DNAH11: variants seen among roughly 807,000 people sequenced by gnomAD.
The protein encoded by DNAH11 is axonemal beta dynein heavy chain 11.
DNAH11 carries 442 observed loss-of-function variants against 526.0 expected under a neutral mutation model. That is an observed-to-expected ratio of 0.84 (90% CI 0.78 to 0.91). DNAH11 has a LOEUF of 0.91. DNAH11 is among the 40% of genes least tolerant of loss of function. DNAH11 has a pLI of 0.00. For missense variants in DNAH11, 6,989 were observed against 5,448.7 expected (o/e 1.28, Z -8.90); for synonymous variants, 2,461 against 1,935.9 (o/e 1.27, Z -7.12).
intron 55 of DNAH11, among the ~76,000 whole-genome samples, chr7:21,773,169 G>A (rs1308502955): frequency 6.6e-6 from 1 of 152,064 alleles, no homozygotes; most frequent in Non-Finnish European, 1.5e-5. Context: ...GTATAGTGGG[G>A]GGTCTTCCAG....
intron 7 of DNAH11, 137 bp downstream of exon 7, chr7:21,570,436 C>T (rs978158748): frequency 1.5e-6 from 1 of 685,252 alleles, no homozygotes; most frequent in African/African-American, 1.8e-5. Flanking sequence ...ATAAGGAGCT[C>T]AGCAGGCCAA....
intron 25 of DNAH11, among the ~76,000 whole-genome samples, chr7:21,623,613 C>T (rs1583538983): frequency 6.6e-6 from 1 of 152,034 alleles, no homozygotes; most frequent in Non-Finnish European, 1.5e-5. Flanking sequence ...GGCACATATA[C>T]ACCATGGAAT....
At chr7:21,775,794 A>G (rs1044160234) in intron 56 of DNAH11, among the ~76,000 whole-genome samples, 7 of 152,170 alleles carry the variant, frequency 4.6e-5, no homozygotes, top group African/African-American at 1.7e-4. Flanking sequence ...TGGGCTAGAT[A>G]AGACGAGGAA....
intron 68 of DNAH11, among the ~76,000 whole-genome samples, chr7:21,857,418 C>G (rs997566916): frequency 6.6e-6 from 1 of 151,870 alleles, no homozygotes; most frequent in African/African-American, 2.4e-5. Flanking sequence ...CAATTCAGTC[C>G]CAATCAAAAC....
intron 73 of DNAH11, 71 bp downstream of exon 73, chr7:21,869,062 C>G: frequency 6.3e-7 from 1 of 1,594,618 alleles, no homozygotes. Flanking sequence ...CTGGCCCGCC[C>G]AACAGAATGC....
At chr7:21,851,828 T>C (rs148080944) in intron 66 of DNAH11, among the ~76,000 whole-genome samples, 145 of 152,282 alleles carry the variant, frequency 9.5e-4, no homozygotes, top group African/African-American at 3.4e-3. Flanking sequence ...ATGAGTTTTT[T>C]TCCTATTTTG....
chr7:21,891,178 G>A (rs565004441), intron 76 of DNAH11, among the ~76,000 whole-genome samples: 57 of 152,240 alleles, frequency 3.7e-4, no homozygotes, highest in African/African-American at 1.2e-3. Context: ...TGTACTGGGT[G>A]GTGGGTACAT....
In DNAH11 at chr7:21,615,034, C is replaced by G. The variant is rs577121484; in HGVS notation, c.3853-80C>G. 229 of 1,372,140 alleles carry G rather than the reference C, an allele frequency of 1.7e-4. No homozygotes were observed. In the African/African-American group the frequency reaches 2.3e-3, roughly 14 times the overall value. The allele number at this position is 1,372,140 out of a possible 1,614,324, so 85.0% of individuals were successfully genotyped here. A position where few individuals can be genotyped will look rare whatever the true frequency, so the allele number is the denominator to read the frequency against. ...CGTTAAAAATCAAAGATTGAAATGT[C>G]GAGATAACCAGAGCTACAGAACTGC... On this transcript the variant is annotated intron_variant, in intron 20 of 81. Coordinates refer to ENST00000409508, the MANE Select transcript of DNAH11 (RefSeq NM_001277115.2).
intron 79 of DNAH11, among the ~76,000 whole-genome samples, chr7:21,897,960 CTCTT>C (rs1311418699): frequency 6.6e-6 from 1 of 152,166 alleles, no homozygotes; most frequent in Non-Finnish European, 1.5e-5. Context: ...AACCCTTTAC[CTCTT>C]TATTTCCATT....
intron 65 of DNAH11, among the ~76,000 whole-genome samples, chr7:21,830,187 A>C (rs1206854531): frequency 6.6e-6 from 1 of 152,210 alleles, no homozygotes; most frequent in Non-Finnish European, 1.5e-5. Context: ...GTTAACTAGC[A>C]AACATTTTGG....
At chr7:21,658,709 C>G in intron 29 of DNAH11, 89 bp from the exon 30 acceptor site, 1 of 1,096,308 alleles carries the variant, frequency 9.1e-7, no homozygotes, top group South Asian at 1.8e-5. Context: ...TGGGGCATTA[C>G]CCTCTGCGTG....
intron 68 of DNAH11, among the ~76,000 whole-genome samples, chr7:21,858,540 G>C (rs1182041569): frequency 6.6e-6 from 1 of 152,144 alleles, no homozygotes; most frequent in East Asian, 1.9e-4. Context: ...AAACATAAAG[G>C]TATGAATTGT....
At chr7:21,640,686 G>T (rs567430571) in intron 28 of DNAH11, among the ~76,000 whole-genome samples, 2 of 151,968 alleles carry the variant, frequency 1.3e-5, no homozygotes, top group East Asian at 1.9e-4. Context: ...ATAATATCTC[G>T]GGCAGGTATC....
chr7:21,707,860 T>C, intron 40 of DNAH11, 25 bp downstream of exon 40: 1 of 1,539,844 alleles, frequency 6.5e-7, no homozygotes, highest in Non-Finnish European at 8.7e-7. Context: ...TTAGAAGTGC[T>C]CAATTTTTTT....
At chr7:21,888,359 T>C (rs936730179) in intron 76 of DNAH11, among the ~76,000 whole-genome samples, 1 of 152,160 alleles carries the variant, frequency 6.6e-6, no homozygotes, top group African/African-American at 2.4e-5. Context: ...GGTCGGTTTT[T>C]GTTAAATACC....
At chr7:21,751,880 C>A (rs1212309826) in intron 54 of DNAH11, among the ~76,000 whole-genome samples, 1 of 152,164 alleles carries the variant, frequency 6.6e-6, no homozygotes, top group Non-Finnish European at 1.5e-5. Context: ...CTTCCTGTTC[C>A]ATGGTGATAT....
Position 21,864,568 on chromosome 7 carries a change from G to C in DNAH11, c.11407G>C (p.Glu3803Gln). 1 of 1,611,838 alleles carries C rather than the reference G, an allele frequency of 6.2e-7. No homozygotes were observed. The highest frequency in any genetic ancestry group is 8.5e-7 in the Non-Finnish European group (1 of 1,178,928). Residue 3803 changes from glutamate to glutamine, a missense_variant, in exon 70 of 82, where the codon GAA becomes CAA. Coordinates refer to ENST00000409508, the MANE Select transcript of DNAH11 (RefSeq NM_001277115.2). Reference protein sequence around the residue: ...LLRKKEIDPLELDFLLRFTVE... With the variant: ...LLRKKEIDPLQLDFLLRFTVE... ...GAGAAAGAAAGAGATAGACCCTCTT[G>C]AATTGGATTTCCTGCTTCGATTCAC...
At chr7:21,770,033 A>G (rs1291404023) in intron 55 of DNAH11, among the ~76,000 whole-genome samples, 1 of 152,204 alleles carries the variant, frequency 6.6e-6, no homozygotes, top group Non-Finnish European at 1.5e-5. Flanking sequence ...AAAACAGCAT[A>G]CAATTTAGAA....
intron 30 of DNAH11, among the ~76,000 whole-genome samples, chr7:21,661,442 A>G (rs1408379948): frequency 6.6e-6 from 1 of 151,814 alleles, no homozygotes; most frequent in African/African-American, 2.4e-5. Flanking sequence ...TTCTAAGTTG[A>G]TAGTTTTTTT....
Sources: gnomAD v4.1 joint callset for allele counts (sites outside exome capture counted in the v4.1 genomes callset) on GRCh38, gnomAD v4.1.1 for gene constraint, MANE v1.5 for transcripts, NCBI Gene and HGNC (gene_info 2026-07-23, HGNC 2026-07-21) for gene names.